Variants in FOXO1 observed in about 807,000 individuals in gnomAD.
FOXO1 encodes forkhead box protein O1.
FOXO1 carries 6 observed loss-of-function variants against 44.1 expected under a neutral mutation model. The ratio of observed to expected loss-of-function variants is 0.14; its 90% CI spans 0.07 to 0.27. The LOEUF is 0.27. FOXO1 is among the 10% of genes least tolerant of loss of function. The probability of loss-of-function intolerance (pLI) is 1.00; values close to 1 mark genes in which losing one functional copy is unlikely to be tolerated. For synonymous variants in FOXO1, 380 were observed against 362.7 expected (o/e 1.05, Z -0.54); for missense variants, 737 against 888.8 (o/e 0.83, Z 2.17).
chr13:40,564,945 G>GAGTCGGGGAACCCCGACATGGGGT (rs1874206435), intron 1 of FOXO1, among the ~76,000 whole-genome samples: 1 of 148,512 alleles, frequency 6.7e-6, no homozygotes. Flanking sequence ...ACAGATGGGG[G>GAGTCGGGGAACCCCGACATGGGGT]AGTCGGGGAA....
intron 1 of FOXO1, among the ~76,000 whole-genome samples, chr13:40,605,411 T>C (rs2137884264): frequency 6.6e-6 from 1 of 152,280 alleles, no homozygotes; most frequent in South Asian, 2.1e-4. Context: ...CCTAACAGTA[T>C]TACCGTCAGC....
At chr13:40,599,314 G>A (rs1385629953) in intron 1 of FOXO1, among the ~76,000 whole-genome samples, 4 of 151,916 alleles carry the variant, frequency 2.6e-5, no homozygotes, top group African/African-American at 9.7e-5. Context: ...GACTGCTTCT[G>A]TCTAAAAGAG....
At chr13:40,659,524 T>C (rs994812390) in intron 1 of FOXO1, among the ~76,000 whole-genome samples, 25 of 152,048 alleles carry the variant, frequency 1.6e-4, no homozygotes, top group Admixed American at 5.9e-4. Flanking sequence ...TGAACTTATG[T>C]CCTTATTAAA....
intron 1 of FOXO1, among the ~76,000 whole-genome samples, chr13:40,596,618 G>A (rs1168344498): frequency 6.6e-6 from 1 of 152,176 alleles, no homozygotes. Flanking sequence ...CTTGTGCCCA[G>A]CCAGTGAGCA....
intron 1 of FOXO1, among the ~76,000 whole-genome samples, chr13:40,632,665 G>A (rs372549220): frequency 1.3e-4 from 20 of 151,672 alleles, no homozygotes; most frequent in African/African-American, 4.6e-4. Flanking sequence ...AAAAAGAGCC[G>A]GGCACAGTGG....
intron 1 of FOXO1, among the ~76,000 whole-genome samples, chr13:40,612,846 A>T (rs1040898115): frequency 2.0e-5 from 3 of 152,202 alleles, no homozygotes; most frequent in African/African-American, 7.2e-5. Flanking sequence ...AAAACGTAGT[A>T]TACACAGGGT....
chr13:40,568,729 C>T (rs1433739989), intron 1 of FOXO1, among the ~76,000 whole-genome samples: 1 of 152,138 alleles, frequency 6.6e-6, no homozygotes, highest in African/African-American at 2.4e-5. Context: ...CCCGAATATC[C>T]TCAAAGACCA....
intron 1 of FOXO1, chr13:40,619,587 T>C (rs542602319): frequency 1.0e-5 from 15 of 1,480,102 alleles, no homozygotes; most frequent in Admixed American, 3.4e-5. Flanking sequence ...ACAGAGATCA[T>C]ATTACAAATA....
At chr13:40,620,351 C>A (rs1263017636) in intron 1 of FOXO1, 2 of 741,636 alleles carry the variant, frequency 2.7e-6, no homozygotes, top group African/African-American at 1.7e-5. Context: ...GGGGCTTCTG[C>A]CGAATCATTT....
In FOXO1 at chr13:40,629,230, C is replaced by T. The variant is rs1422176086; in HGVS notation, c.630+36353G>A. 2.0e-5 allele frequency among the ~76,000 whole-genome samples: 3 copies of T among 152,222 alleles called. No individual in the cohort carries two copies. In the East Asian group the frequency reaches 5.8e-4, roughly 29 times the overall value. ...CAATCTCGGCCCACTGCAACCTCCG[C>T]CTCCCGGGTTCAAGCTATTCTCCTG... On this transcript the variant is annotated intron_variant, in intron 1 of 2. Coordinates refer to ENST00000379561, the MANE Select transcript of FOXO1 (RefSeq NM_002015.4).
chr13:40,649,799 C>T (rs961365827), intron 1 of FOXO1, among the ~76,000 whole-genome samples: 21 of 152,282 alleles, frequency 1.4e-4, no homozygotes, highest in Non-Finnish European at 2.5e-4. Context: ...TCCATCTGTA[C>T]TGATATATTC....
chr13:40,620,799 CTTT>C (rs111991105), intron 1 of FOXO1, among the ~76,000 whole-genome samples: 1 of 121,222 alleles, frequency 8.2e-6, no homozygotes, highest in Admixed American at 8.9e-5. Context: ...CTTCCCCTTG[CTTT>C]TTTTTTTTTT....
intron 1 of FOXO1, among the ~76,000 whole-genome samples, chr13:40,584,611 T>C (rs1875086636): frequency 6.6e-6 from 1 of 151,610 alleles, no homozygotes; most frequent in Admixed American, 6.6e-5. Context: ...ATTGTGCCAC[T>C]GCACTCCAGC....
chr13:40,643,062 C>CCATG (rs1877401464), intron 1 of FOXO1, among the ~76,000 whole-genome samples: 1 of 152,072 alleles, frequency 6.6e-6, no homozygotes, highest in Non-Finnish European at 1.5e-5. Flanking sequence ...TAATACAGGA[C>CCATG]CGGGCGTGGT....
At chr13:40,572,977 G>A (rs1289001757) in intron 1 of FOXO1, among the ~76,000 whole-genome samples, 1 of 152,180 alleles carries the variant, frequency 6.6e-6, no homozygotes, top group Non-Finnish European at 1.5e-5. Context: ...TCACATAAAT[G>A]TTTCAGTAAT....
chr13:40,645,284 T>C (rs1253675964), intron 1 of FOXO1, among the ~76,000 whole-genome samples: 1 of 152,184 alleles, frequency 6.6e-6, no homozygotes, highest in African/African-American at 2.4e-5. Context: ...AAAGGTCCTA[T>C]TTACCAGAAC....
intron 1 of FOXO1, among the ~76,000 whole-genome samples, chr13:40,610,260 T>C (rs1435041499): frequency 6.6e-6 from 1 of 152,140 alleles, no homozygotes; most frequent in African/African-American, 2.4e-5. Context: ...TATTTATATA[T>C]GTCTATAACA....
chr13:40,570,580 T>G (rs1874452871), intron 1 of FOXO1, among the ~76,000 whole-genome samples: 1 of 152,190 alleles, frequency 6.6e-6, no homozygotes, highest in African/African-American at 2.4e-5. Context: ...ACCTCATACA[T>G]TTAGGATTGA....
chr13:40,619,247 T>C (rs1876527661), intron 1 of FOXO1: 3 of 377,652 alleles, frequency 7.9e-6, no homozygotes, highest in Non-Finnish European at 1.0e-5. Flanking sequence ...TGAGCCGAGA[T>C]CATGCCATTG....
Sources: allele counts gnomAD v4.1 joint callset (sites outside exome capture counted in the v4.1 genomes callset), GRCh38; gene constraint gnomAD v4.1.1; transcripts MANE v1.5; gene names NCBI Gene and HGNC (gene_info 2026-07-23, HGNC 2026-07-21).